The following DPYD variants were observed in gnomAD, a reference collection of about 807,000 sequenced individuals.
The protein encoded by DPYD is dihydropyrimidine dehydrogenase [NADP(+)].
Under a neutral mutation model 116.2 loss-of-function variants are expected in DPYD, and 109 were observed. That is an observed-to-expected ratio of 0.94 (90% confidence interval 0.80 to 1.10). The LOEUF (loss-of-function observed/expected upper bound fraction) is 1.10. DPYD is among the 50% of genes least tolerant of loss of function. The pLI, the probability that DPYD is intolerant of heterozygous loss-of-function variation, is 0.00. For missense variants in DPYD, 1,302 were observed against 1,254.5 expected (o/e 1.04, Z -0.57); for synonymous variants, 440 against 432.0 (o/e 1.02, Z -0.23).
At chr1:97,186,339 G>C (rs946745555) in intron 20 of DPYD, among the ~76,000 whole-genome samples, 1 of 152,002 alleles carries the variant, frequency 6.6e-6, no homozygotes, top group Non-Finnish European at 1.5e-5. Context: ...ACCATCACAC[G>C]AGTAATGTAC....
intron 16 of DPYD, among the ~76,000 whole-genome samples, chr1:97,311,918 AAAAGC>A (rs1441613768): frequency 1.3e-5 from 2 of 151,808 alleles, no homozygotes; most frequent in Non-Finnish European, 2.9e-5. Context: ...AACTACGAAG[AAAAGC>A]AAAGCAAAGA....
intron 18 of DPYD, among the ~76,000 whole-genome samples, chr1:97,268,238 C>T (rs1664357517): frequency 1.3e-5 from 2 of 152,228 alleles, no homozygotes; most frequent in South Asian, 4.1e-4. Flanking sequence ...GTTCAGTACA[C>T]TCAGCAGCTC....
At chr1:97,642,555 C>G (rs1178294946) in intron 8 of DPYD, among the ~76,000 whole-genome samples, 1 of 151,952 alleles carries the variant, frequency 6.6e-6, no homozygotes, top group African/African-American at 2.4e-5. Context: ...AAAACTGAAA[C>G]TGGATTCCTT....
At chr1:97,449,870 A>G (rs1031999268) in intron 14 of DPYD, among the ~76,000 whole-genome samples, 189 bp downstream of exon 14, 1 of 152,132 alleles carries the variant, frequency 6.6e-6, no homozygotes, top group Non-Finnish European at 1.5e-5. Flanking sequence ...AAAGCTTCAC[A>G]TTGTGTGGGT....
At chr1:97,117,932 C>A (rs1274313628) in intron 20 of DPYD, among the ~76,000 whole-genome samples, 2 of 151,998 alleles carry the variant, frequency 1.3e-5, no homozygotes, top group Admixed American at 6.6e-5. Flanking sequence ...TTTTATTTGA[C>A]AAGAAATTAC....
At chr1:97,763,672 T>A (rs1200210925) in intron 3 of DPYD, among the ~76,000 whole-genome samples, 2 of 152,098 alleles carry the variant, frequency 1.3e-5, no homozygotes, top group Non-Finnish European at 1.5e-5. Context: ...TTAAAATAGT[T>A]CTTGCATAGG....
At chr1:97,116,632 A>T (rs1233467291) in intron 20 of DPYD, among the ~76,000 whole-genome samples, 4 of 152,016 alleles carry the variant, frequency 2.6e-5, no homozygotes, top group Non-Finnish European at 5.9e-5. Context: ...GGATTGTGTC[A>T]CTGCACCCCA....
chr1:97,306,119 T>C, intron 17 of DPYD, 58 bp downstream of exon 17: 1 of 1,609,792 alleles, frequency 6.2e-7, no homozygotes, highest in East Asian at 2.2e-5. Context: ...TGAGTATGGC[T>C]ACATAATGTG....
intron 20 of DPYD, among the ~76,000 whole-genome samples, chr1:97,157,925 T>G (rs1177646774): frequency 6.6e-6 from 1 of 152,158 alleles, no homozygotes; most frequent in Non-Finnish European, 1.5e-5. Flanking sequence ...TTCTTTACAA[T>G]GAGCAATGCT....
Position 97,079,155 on chromosome 1 carries a change from A to C in DPYD, c.2908-9T>G. ...GGATCAAACTGTATAGCCTGCAAAC[A>C]GAAATAGAGGGTATTGATGTCACTG... On this transcript the variant is annotated splice_polypyrimidine_tract_variant and intron_variant, in intron 22 of 22. Coordinates refer to ENST00000370192, the MANE Select transcript of DPYD (RefSeq NM_000110.4). The C allele has an allele frequency of 6.2e-7, 1 of 1,613,136 alleles. No individual in the cohort carries two copies. The highest frequency in any genetic ancestry group is 8.5e-7 in the Non-Finnish European group (1 of 1,179,482).
At chr1:97,556,698 TG>T (rs1209682772) in intron 11 of DPYD, among the ~76,000 whole-genome samples, 20 of 150,178 alleles carry the variant, frequency 1.3e-4, no homozygotes, top group Admixed American at 3.3e-4. Flanking sequence ...TCATTTTTTA[TG>T]GCTGCATAGT....
intron 3 of DPYD, among the ~76,000 whole-genome samples, chr1:97,796,311 T>C (rs988554701): frequency 1.3e-5 from 2 of 152,092 alleles, no homozygotes; most frequent in Non-Finnish European, 2.9e-5. Flanking sequence ...ATTAGGGAAG[T>C]TAATTTTTCT....
intron 3 of DPYD, among the ~76,000 whole-genome samples, chr1:97,768,967 GA>G (rs1267202095): frequency 2.0e-5 from 3 of 151,174 alleles, no homozygotes; most frequent in Non-Finnish European, 4.4e-5. Flanking sequence ...ACAAAATAAA[GA>G]AAAAAACACA....
intron 2 of DPYD, among the ~76,000 whole-genome samples, chr1:97,871,894 C>G (rs1180644087): frequency 6.6e-6 from 1 of 151,702 alleles, no homozygotes; most frequent in Non-Finnish European, 1.5e-5. Context: ...TAATGATAAG[C>G]AATAATACTT....
intron 8 of DPYD, among the ~76,000 whole-genome samples, chr1:97,662,429 G>A (rs180900280): frequency 2.6e-5 from 4 of 151,452 alleles, no homozygotes; most frequent in African/African-American, 7.3e-5. Flanking sequence ...TCCAGAGATC[G>A]AGACCATCCT....
intron 2 of DPYD, among the ~76,000 whole-genome samples, chr1:97,842,841 C>A (rs1190479511): frequency 2.0e-5 from 3 of 151,936 alleles, no homozygotes; most frequent in Non-Finnish European, 2.9e-5. Context: ...AAATTCATAA[C>A]CTCTCAAGGA....
intron 20 of DPYD, among the ~76,000 whole-genome samples, chr1:97,169,056 C>T (rs1656529604): frequency 6.6e-6 from 1 of 151,952 alleles, no homozygotes; most frequent in South Asian, 2.1e-4. Context: ...CCATGCTGGC[C>T]AGGCTAGTCT....
chr1:97,516,031 C>T lies in DPYD; in HGVS notation c.1525-90G>A, dbSNP rs6657204. 5.2e-3 allele frequency: 6,331 copies of T among 1,220,694 alleles called. 242 individuals are homozygous for T. The African/African-American group carries it at 0.084, about 16-fold the overall frequency. The allele number at this position is 1,220,694 out of a possible 1,614,324, so 75.6% of individuals were successfully genotyped here. On this transcript the variant is annotated intron_variant, in intron 12 of 22. Transcript: ENST00000370192. ...AAAAAAATCACTTCAACACAGCATC[C>T]GAATTAATATAGATTACAACAGTCT...
At chr1:97,682,405 C>T (rs1660473035) in intron 7 of DPYD, among the ~76,000 whole-genome samples, 1 of 151,806 alleles carries the variant, frequency 6.6e-6, no homozygotes, top group African/African-American at 2.4e-5. Context: ...CAGTGACAGG[C>T]ACAAGGCTTC....
Sources: allele counts gnomAD v4.1 joint callset (sites outside exome capture counted in the v4.1 genomes callset), GRCh38; gene constraint gnomAD v4.1.1; transcripts MANE v1.5; gene names NCBI Gene and HGNC (gene_info 2026-07-23, HGNC 2026-07-21).